Variants in KCNIP4 observed in about 807,000 individuals in gnomAD.
KCNIP4 encodes potassium voltage-gated channel interacting protein 4, also known as Kv channel-interacting protein 4.
Under a neutral mutation model 34.0 loss-of-function variants are expected in KCNIP4, and 12 were observed. The ratio of observed to expected loss-of-function variants is 0.35; its 90% confidence interval spans 0.23 to 0.57. KCNIP4 has a LOEUF of 0.57. KCNIP4 is among the 20% of genes least tolerant of loss of function. KCNIP4 has a pLI of 0.83. For missense variants in KCNIP4, 238 were observed against 311.7 expected (o/e 0.76, Z 1.78); for synonymous variants, 124 against 102.2 (o/e 1.21, Z -1.29).
intron 1 of KCNIP4, among the ~76,000 whole-genome samples, chr4:21,365,240 T>C (rs1719628318): frequency 1.3e-5 from 2 of 152,206 alleles, no homozygotes; most frequent in Admixed American, 6.6e-5. Flanking sequence ...ATCCCAGCAC[T>C]TTGGGAGGCC....
chr4:21,915,035 G>T (rs928642461), intron 1 of KCNIP4, among the ~76,000 whole-genome samples: 3 of 152,100 alleles, frequency 2.0e-5, no homozygotes, highest in African/African-American at 7.2e-5. Context: ...ACAAAAATGA[G>T]AGCAGTTGAA....
intron 1 of KCNIP4, among the ~76,000 whole-genome samples, chr4:20,934,291 T>C (rs780863809): frequency 5.9e-5 from 9 of 152,210 alleles, no homozygotes; most frequent in Non-Finnish European, 1.0e-4. Flanking sequence ...ATATGTTCTT[T>C]AACCCAATGT....
chr4:21,577,277 A>G (rs34413196), intron 1 of KCNIP4, among the ~76,000 whole-genome samples: 23,418 of 152,108 alleles, frequency 0.15, 2,134 homozygotes, highest in South Asian at 0.22. Context: ...GAGGCTGCAG[A>G]TTGCAAGACA....
intron 1 of KCNIP4, among the ~76,000 whole-genome samples, chr4:21,787,657 T>G (rs59977392): frequency 0.07 from 10,625 of 152,258 alleles, 1,289 homozygotes; most frequent in African/African-American, 0.24. Flanking sequence ...CCAAAGTCAC[T>G]GATCTTCTCA....
chr4:21,013,239 T>G (rs62293772), intron 1 of KCNIP4, among the ~76,000 whole-genome samples: 9,532 of 152,110 alleles, frequency 0.063, 372 homozygotes, highest in East Asian at 0.18. Flanking sequence ...ATATGACAGA[T>G]AGTGGCTGCA....
chr4:21,081,220 A>G (rs1212796241), intron 1 of KCNIP4, among the ~76,000 whole-genome samples: 1 of 151,848 alleles, frequency 6.6e-6, no homozygotes, highest in Non-Finnish European at 1.5e-5. Flanking sequence ...TGTTGCTGTG[A>G]AATTGACTTT....
intron 1 of KCNIP4, among the ~76,000 whole-genome samples, chr4:21,630,974 G>A (rs542730263): frequency 1.2e-4 from 19 of 152,202 alleles, no homozygotes; most frequent in Non-Finnish European, 2.2e-4. Context: ...CACGCCCCTT[G>A]CACCTTCCGA....
At chr4:20,763,465 C>T (rs76193791) in intron 3 of KCNIP4, among the ~76,000 whole-genome samples, 5,734 of 152,146 alleles carry the variant, frequency 0.038, 161 homozygotes, top group South Asian at 0.056. Context: ...AGGAAAAGAA[C>T]GCTGAAAAGA....
chr4:20,883,183 C>T (rs1449572971), intron 1 of KCNIP4, among the ~76,000 whole-genome samples: 1 of 152,158 alleles, frequency 6.6e-6, no homozygotes, highest in East Asian at 1.9e-4. Flanking sequence ...ATAAATCATT[C>T]ACACCACAAT....
intron 1 of KCNIP4, chr4:21,582,193 T>TA (rs1286569310): frequency 6.6e-6 from 1 of 151,592 alleles, no homozygotes; most frequent in African/African-American, 2.4e-5. Context: ...TACTATAATG[T>TA]AAAATATATG....
At chr4:21,311,343 A>G (rs79336210) in intron 1 of KCNIP4, among the ~76,000 whole-genome samples, 4,004 of 152,268 alleles carry the variant, frequency 0.026, 153 homozygotes, top group South Asian at 0.13. Flanking sequence ...GCTGACCACC[A>G]TCTTCACCAC....
At chr4:20,752,703 G>A (rs1167755107) in intron 4 of KCNIP4, 1 of 152,206 alleles carries the variant, frequency 6.6e-6, no homozygotes, top group East Asian at 1.9e-4. Flanking sequence ...CTTGAAGACA[G>A]TGGAAAGTTT....
At chr4:21,917,851 A>G (rs1728726996) in intron 1 of KCNIP4, among the ~76,000 whole-genome samples, 2 of 152,236 alleles carry the variant, frequency 1.3e-5, no homozygotes, top group African/African-American at 2.4e-5. Context: ...CAAGACGTTC[A>G]TGGTAGTTTC....
intron 1 of KCNIP4, among the ~76,000 whole-genome samples, chr4:21,021,859 CGTAT>C (rs1740083170): frequency 6.9e-6 from 1 of 145,844 alleles, no homozygotes; most frequent in African/African-American, 2.6e-5. Flanking sequence ...AGTATAGTAT[CGTAT>C]AGTATAGTAT....
At chr4:20,832,243 G>A (rs1228358093) in intron 3 of KCNIP4, among the ~76,000 whole-genome samples, 1 of 151,898 alleles carries the variant, frequency 6.6e-6, no homozygotes, top group Non-Finnish European at 1.5e-5. Flanking sequence ...TCTCTTTATG[G>A]GACAAAGCAG....
At chr4:21,817,247 A>G (rs1578026937) in intron 1 of KCNIP4, among the ~76,000 whole-genome samples, 1 of 152,170 alleles carries the variant, frequency 6.6e-6, no homozygotes, top group Non-Finnish European at 1.5e-5. Context: ...TGAAGATTTC[A>G]TTTTAATATG....
intron 1 of KCNIP4, among the ~76,000 whole-genome samples, chr4:20,940,204 C>G (rs745397225): frequency 3.3e-5 from 5 of 152,190 alleles, no homozygotes; most frequent in Admixed American, 6.5e-5. Context: ...GTCAACATTT[C>G]TTCTAGGAAG....
At chr4:21,766,633 A>G (rs1293442739) in intron 1 of KCNIP4, among the ~76,000 whole-genome samples, 1 of 152,184 alleles carries the variant, frequency 6.6e-6, no homozygotes, top group Admixed American at 6.5e-5. Context: ...TTTCCTTTTC[A>G]GTCTTCCCAC....
At chr4:20,914,308 G>C (rs185884122) in intron 1 of KCNIP4, among the ~76,000 whole-genome samples, 1 of 152,092 alleles carries the variant, frequency 6.6e-6, no homozygotes, top group African/African-American at 2.4e-5. Context: ...TAACCCCAAG[G>C]TGATGGTATT....
Sources: allele counts gnomAD v4.1 joint callset (sites outside exome capture counted in the v4.1 genomes callset), GRCh38; gene constraint gnomAD v4.1.1; transcripts MANE v1.5; gene names NCBI Gene and HGNC (gene_info 2026-07-23, HGNC 2026-07-21).